Variants in FRMD4B observed in about 807,000 individuals in gnomAD.
The protein encoded by FRMD4B is FERM domain-containing protein 4B.
FRMD4B carries 74 observed loss-of-function variants against 141.5 expected under a neutral mutation model. The observed-to-expected ratio is 0.52, with a 90% CI of 0.43 to 0.63. The LOEUF (loss-of-function observed/expected upper bound fraction) is 0.63. FRMD4B is among the 30% of genes least tolerant of loss of function. FRMD4B has a pLI of 0.00. For missense variants in FRMD4B, 1,366 were observed against 1,253.4 expected (o/e 1.09, Z -1.36); for synonymous variants, 506 against 467.9 (o/e 1.08, Z -1.05).
intron 1 of FRMD4B, among the ~76,000 whole-genome samples, chr3:69,442,777 A>C (rs533133183): frequency 6.6e-6 from 1 of 152,306 alleles, no homozygotes; most frequent in African/African-American, 2.4e-5. Flanking sequence ...CTGCTTATGA[A>C]GCCACATAAA....
At chr3:69,439,876 T>C (rs1009918239) in intron 1 of FRMD4B, among the ~76,000 whole-genome samples, 1 of 152,222 alleles carries the variant, frequency 6.6e-6, no homozygotes, top group Non-Finnish European at 1.5e-5. Flanking sequence ...CTCATTCATG[T>C]CTCCCCCTTG....
intron 1 of FRMD4B, among the ~76,000 whole-genome samples, chr3:69,337,340 A>G (rs56138041): frequency 0.099 from 15,072 of 152,238 alleles, 828 homozygotes; most frequent in South Asian, 0.18. Flanking sequence ...TTAGACCTAA[A>G]ACCATAAAAA....
rs756184115 is a variant in FRMD4B, at chr3:69,181,175, C to T, written c.2575G>A (p.Glu859Lys). The change falls in exon 21 of 23, where the codon GAA becomes AAA. Residue 859 changes from glutamate to lysine, a missense_variant. Transcript: ENST00000398540. The part of the protein sequence containing the change: ...RQRDYSRSFH[E>K]DEVDRVPHNP... ...TGGGGTACCCGGTCGACCTCATCTT[C>T]GTGAAAGGATCTGCTGTAGTCCCTC... 164 of 1,613,880 alleles carry T rather than the reference C, an allele frequency of 1.0e-4. No individual in the cohort carries two copies. Among genetic ancestry groups the T allele is most frequent in the Admixed American group, 1.3e-4 (8 of 60,000 alleles).
intron 1 of FRMD4B, among the ~76,000 whole-genome samples, chr3:69,484,212 A>G (rs931258203): frequency 2.6e-5 from 4 of 152,214 alleles, no homozygotes; most frequent in African/African-American, 7.2e-5. Flanking sequence ...CAACAGAAGA[A>G]TGATTTAACA....
At chr3:69,219,359 T>G (rs965811705) in intron 9 of FRMD4B, among the ~76,000 whole-genome samples, 2 of 152,112 alleles carry the variant, frequency 1.3e-5, no homozygotes, top group Non-Finnish European at 2.9e-5. Flanking sequence ...ATTTTGATGA[T>G]CAATTTCTCC....
intron 1 of FRMD4B, among the ~76,000 whole-genome samples, chr3:69,326,786 G>A (rs983426863): frequency 6.6e-6 from 1 of 152,168 alleles, no homozygotes; most frequent in Non-Finnish European, 1.5e-5. Context: ...TATTCTGACT[G>A]TGCTTTTCCA....
At chr3:69,390,420 G>T (rs565034765), upstream of FRMD4B, among the ~76,000 whole-genome samples, 1 of 152,206 alleles carries the variant, frequency 6.6e-6, no homozygotes. Flanking sequence ...GCTGAGACAT[G>T]TGGCAATGTC....
chr3:69,405,350 T>C (rs1408739642), intron 2 of FRMD4B, among the ~76,000 whole-genome samples: 2 of 152,132 alleles, frequency 1.3e-5, no homozygotes, highest in African/African-American at 4.8e-5. Flanking sequence ...TGCTAGCTCC[T>C]GTAGGTTAAA....
chr3:69,354,682 A>C (rs1224094105), intron 1 of FRMD4B, among the ~76,000 whole-genome samples: 2 of 152,152 alleles, frequency 1.3e-5, no homozygotes, highest in Non-Finnish European at 2.9e-5. Flanking sequence ...ACAGGTATCT[A>C]AATATAGGGT....
chr3:69,542,540 G>A (rs112682167), exon 1 of FRMD4B: 7,582 of 152,470 alleles, frequency 0.05, 657 homozygotes, highest in African/African-American at 0.17. Context: ...TGTGCCCCGG[G>A]CCGCCTTTCT....
rs750735045 is a variant in FRMD4B, at chr3:69,195,018, A to T, written c.1488+4T>A. 1.2e-6 allele frequency: 2 copies of T among 1,612,994 alleles called. No individual in the cohort carries two copies. Among genetic ancestry groups the T allele is most frequent in the Non-Finnish European group, 8.5e-7 (1 of 1,179,232 alleles). On this transcript the variant is annotated splice_donor_region_variant and intron_variant, in intron 16 of 22. Transcript: ENST00000398540. Reference sequence around the variant, plus strand: ...ATTGAAAGGCTCAGAGGCGTTGTTCATACTTCTTCACTCGGCAGCAAGTTG... The same window carrying T: ...ATTGAAAGGCTCAGAGGCGTTGTTCTTACTTCTTCACTCGGCAGCAAGTTG...
intron 1 of FRMD4B, among the ~76,000 whole-genome samples, chr3:69,324,761 T>G (rs890705364): frequency 2.6e-5 from 4 of 152,134 alleles, no homozygotes; most frequent in Non-Finnish European, 4.4e-5. Context: ...TGTGCAAAAC[T>G]CACTTCTCTT....
rs116641380 is a variant in FRMD4B at position 69,326,671 on chromosome 3, G to C, written c.163-13154C>G. Reference sequence around the variant, plus strand: ...GTCTGAGGTCCCACAGTTTATAAGGGGCTAGGCCAAGCTCAAAAAGGTGCT... The same window carrying C: ...GTCTGAGGTCCCACAGTTTATAAGGCGCTAGGCCAAGCTCAAAAAGGTGCT... On this transcript the variant is annotated intron_variant, in intron 1 of 22. Transcript: ENST00000398540. 6.3e-3 allele frequency among the ~76,000 whole-genome samples: 958 copies of C among 152,266 alleles called. 14 individuals carry two copies. Among genetic ancestry groups the C allele is most frequent in the African/African-American group, 0.022 (918 of 41,534 alleles).
intron 1 of FRMD4B, among the ~76,000 whole-genome samples, chr3:69,384,220 C>T (rs1430088961): frequency 6.6e-6 from 1 of 152,136 alleles, no homozygotes; most frequent in African/African-American, 2.4e-5. Context: ...AATTGCTATT[C>T]TGCATAAAAA....
intron 1 of FRMD4B, among the ~76,000 whole-genome samples, chr3:69,447,675 A>C (rs942667827): frequency 3.3e-5 from 5 of 152,156 alleles, no homozygotes; most frequent in African/African-American, 1.2e-4. Context: ...AAGTTCCTTT[A>C]TATCCCTTTG....
chr3:69,293,954 A>C (rs1700960725), intron 4 of FRMD4B, among the ~76,000 whole-genome samples: 1 of 151,760 alleles, frequency 6.6e-6, no homozygotes, highest in African/African-American at 2.4e-5. Context: ...AACAAATGCT[A>C]CAAAAATGTC....
chr3:69,449,987 T>C (rs1322339134), intron 1 of FRMD4B, among the ~76,000 whole-genome samples: 2 of 152,156 alleles, frequency 1.3e-5, no homozygotes, highest in African/African-American at 4.8e-5. Context: ...TGGAAGTTAC[T>C]TTACCTTCCT....
intron 1 of FRMD4B, among the ~76,000 whole-genome samples, chr3:69,366,713 C>T (rs963269758): frequency 6.6e-6 from 1 of 151,740 alleles, no homozygotes; most frequent in African/African-American, 2.4e-5. Flanking sequence ...ACAAACACGA[C>T]CTTTTTTTTC....
At chr3:69,429,091 C>T (rs1705134272) in intron 2 of FRMD4B, among the ~76,000 whole-genome samples, 1 of 152,216 alleles carries the variant, frequency 6.6e-6, no homozygotes, top group African/African-American at 2.4e-5. Flanking sequence ...GAGATCTACC[C>T]TGACACTTTT....
Sources: allele counts gnomAD v4.1 joint callset (sites outside exome capture counted in the v4.1 genomes callset), GRCh38; gene constraint gnomAD v4.1.1; transcripts MANE v1.5; gene names NCBI Gene and HGNC (gene_info 2026-07-23, HGNC 2026-07-21).